The following MAP3K2 variants were observed in gnomAD, a reference collection of about 807,000 sequenced individuals.
The protein encoded by MAP3K2 is MAP/ERK kinase kinase 2.
MAP3K2 carries 24 observed loss-of-function variants against 80.3 expected under a neutral mutation model. The observed-to-expected ratio is 0.30, with a 90% CI of 0.22 to 0.42. The LOEUF (loss-of-function observed/expected upper bound fraction) is 0.42. Among genes scored for constraint, MAP3K2 ranks in the 10% least tolerant of loss-of-function variants. The pLI is 1.00. For missense variants in MAP3K2, 608 were observed against 750.1 expected, an observed-to-expected ratio of 0.81 and a Z score of 2.21; for synonymous variants, 244 against 253.7, an observed-to-expected ratio of 0.96 and a Z score of 0.36.
At chr2:127,312,310 G>A (rs1478336158) in intron 15 of MAP3K2, among the ~76,000 whole-genome samples, 1 of 152,138 alleles carries the variant, frequency 6.6e-6, no homozygotes, top group East Asian at 1.9e-4. Context: ...TTGAAATAAT[G>A]AGTTGGTTCC....
chr2:127,316,801 A>T (rs969698791), intron 14 of MAP3K2: 3 of 152,190 alleles, frequency 2.0e-5, no homozygotes, highest in African/African-American at 7.2e-5. Flanking sequence ...CTGAATGTGA[A>T]TCTAATTTAG....
At chr2:127,369,043 G>C (rs1248535966) in intron 1 of MAP3K2, among the ~76,000 whole-genome samples, 1 of 151,898 alleles carries the variant, frequency 6.6e-6, no homozygotes, top group Admixed American at 6.6e-5. Context: ...CGACTCCCTG[G>C]TTCATGCGAT....
At chr2:127,385,890 G>A (rs1011311269) in intron 1 of MAP3K2, among the ~76,000 whole-genome samples, 3 of 152,136 alleles carry the variant, frequency 2.0e-5, no homozygotes, top group African/African-American at 4.8e-5. Context: ...AGTCTCTAAT[G>A]CAATCCAATT....
chr2:127,318,306 G>A lies in MAP3K2; in HGVS notation c.1057C>T (p.Pro353Ser). 2 of 1,589,586 alleles carry A rather than the reference G, an allele frequency of 1.3e-6. No homozygotes were observed. The highest frequency in any genetic ancestry group is 1.7e-6 in the Non-Finnish European group (2 of 1,171,288). Reference protein sequence around the residue: ...ISPPSRSPRAPTNWRLGKLLG... With the variant: ...ISPPSRSPRASTNWRLGKLLG... ...AGTTTGCCCAATCTCCAGTTGGTCGGAGCTCGAGGTGCTGAAAAAGAACAC... is the reference window on the plus strand; with the variant it reads ...AGTTTGCCCAATCTCCAGTTGGTCGAAGCTCGAGGTGCTGAAAAAGAACAC... Residue 353 changes from proline (P) to serine (S), a missense_variant, in exon 13 of 17, where the codon CCG becomes TCG. Pro to Ser is a moderately conservative substitution (Grantham distance 74, BLOSUM62 -1). Transcript: ENST00000682094.
At chr2:127,352,345 A>G (rs1169243266) in intron 1 of MAP3K2, among the ~76,000 whole-genome samples, 1 of 152,088 alleles carries the variant, frequency 6.6e-6, no homozygotes, top group Non-Finnish European at 1.5e-5. Context: ...ATAAATATCC[A>G]TTACAGCTTC....
chr2:127,387,504 C>G lies in MAP3K2; in HGVS notation c.-118G>C. The G allele has an allele frequency of 1.0e-6, 1 of 984,998 alleles. No individual in the cohort carries two copies. Among genetic ancestry groups the G allele is most frequent in the South Asian group, 4.7e-5 (1 of 21,286 alleles). 61.0% of individuals were successfully genotyped at this position (984,998 alleles called of 1,614,324 possible). ...CGCAGGCCCAAGGAGGGGCCGCCCC[C>G]GCCGAGCCCGCCCCTCCGCCCCAGC... On this transcript the variant is annotated 5_prime_UTR_variant, in exon 1 of 17. Transcript: ENST00000682094.
rs1685539402 is a variant in MAP3K2 at position 127,299,045 on chromosome 2, T to A, written c.*8534A>T. ...ACATTTTTACAAGCACAATTTTGAA[T>A]GACAAACAAAATCAAAATGTGCATG... On this transcript the variant is annotated 3_prime_UTR_variant, in exon 17 of 17. Coordinates refer to ENST00000682094, the MANE Select transcript of MAP3K2 (RefSeq NM_001371910.2). The A allele has an allele frequency of 6.6e-6, 1 of 152,182 alleles. No individual in the cohort carries two copies. The highest frequency in any genetic ancestry group is 2.4e-5 in the African/African-American group (1 of 41,456). 9.4% of individuals were successfully genotyped at this position (152,182 alleles called of 1,614,324 possible). A position where few individuals can be genotyped will look rare whatever the true frequency, so the allele number is the denominator to read the frequency against.
intron 1 of MAP3K2, among the ~76,000 whole-genome samples, chr2:127,384,939 G>A (rs767287707): frequency 1.4e-4 from 22 of 152,170 alleles, no homozygotes; most frequent in Non-Finnish European, 3.2e-4. Context: ...CGCCTGGACA[G>A]AAAGTGGCTT....
chr2:127,315,675 C>T (rs561424040), intron 14 of MAP3K2, among the ~76,000 whole-genome samples: 108 of 152,346 alleles, frequency 7.1e-4, no homozygotes, highest in Non-Finnish European at 1.3e-3. Flanking sequence ...TGGCTCACAC[C>T]TGTAATCCCA....
At chr2:127,363,731 CTCACTCTG>C (rs1686927142) in intron 1 of MAP3K2, among the ~76,000 whole-genome samples, 1 of 152,166 alleles carries the variant, frequency 6.6e-6, no homozygotes, top group South Asian at 2.1e-4. Context: ...GAGATAGAGT[CTCACTCTG>C]TCACCTAGCC....
At chr2:127,369,724 C>T (rs72848607) in intron 1 of MAP3K2, among the ~76,000 whole-genome samples, 5,166 of 152,234 alleles carry the variant, frequency 0.034, 125 homozygotes, top group Middle Eastern at 0.071. Context: ...TTTCCCCATC[C>T]TGTTTATATC....
intron 1 of MAP3K2, among the ~76,000 whole-genome samples, chr2:127,366,439 G>A (rs1394112131): frequency 1.3e-5 from 2 of 150,750 alleles, no homozygotes; most frequent in African/African-American, 4.9e-5. Context: ...CAGAGGATAC[G>A]TGTATGCTTT....
chr2:127,335,096 C>T (rs574025946), intron 5 of MAP3K2, among the ~76,000 whole-genome samples: 36 of 152,166 alleles, frequency 2.4e-4, no homozygotes, highest in African/African-American at 7.5e-4. Context: ...CAAAGAACTT[C>T]GTATATTCAA....
chr2:127,343,235 C>G (rs1411513785), intron 1 of MAP3K2, 41 bp from the exon 2 acceptor site: 2 of 751,192 alleles, frequency 2.7e-6, no homozygotes, highest in Admixed American at 3.1e-5. Flanking sequence ...TAAAAAGAAA[C>G]AGAAAAGGAG....
chr2:127,337,262 A>G (rs1267054434), intron 4 of MAP3K2, among the ~76,000 whole-genome samples: 1 of 152,280 alleles, frequency 6.6e-6, no homozygotes, highest in East Asian at 1.9e-4. Context: ...CTAGGTTTAC[A>G]TCTCTGCTAA....
intron 1 of MAP3K2, among the ~76,000 whole-genome samples, chr2:127,344,495 A>C (rs1266649675): frequency 6.6e-6 from 1 of 151,556 alleles, no homozygotes; most frequent in Non-Finnish European, 1.5e-5. Context: ...CACCAAAAAA[A>C]AAAAAAAAAA....
Position 127,335,972 on chromosome 2 carries a change from A to G in MAP3K2, c.165-3T>C. On this transcript the variant is annotated splice_polypyrimidine_tract_variant and splice_region_variant and intron_variant, in intron 4 of 16. Transcript: ENST00000682094. ...CTGGTCTGGGGAACTGAAGGATTCTATATAAACACAATTTTAAGATTTTAT... is the reference window on the plus strand; with the variant it reads ...CTGGTCTGGGGAACTGAAGGATTCTGTATAAACACAATTTTAAGATTTTAT... 6.7e-7 allele frequency: 1 copy of G among 1,485,786 alleles called. No individual in the cohort carries two copies. The highest frequency in any genetic ancestry group is 1.4e-5 in the African/African-American group (1 of 71,942). 92.0% of individuals were successfully genotyped at this position (1,485,786 alleles called of 1,614,324 possible). A position where few individuals can be genotyped will look rare whatever the true frequency, so the allele number is the denominator to read the frequency against.
intron 14 of MAP3K2, among the ~76,000 whole-genome samples, chr2:127,316,360 A>C (rs1186266298): frequency 6.6e-6 from 1 of 152,250 alleles, no homozygotes; most frequent in Non-Finnish European, 1.5e-5. Context: ...AACAAGAGCG[A>C]AACTCCATCT....
rs1395251274 is a variant in MAP3K2 at position 127,305,292 on chromosome 2, A to G, written c.*2287T>C. The G allele has an allele frequency of 3.3e-5, 5 of 152,302 alleles. No homozygotes were observed. Among genetic ancestry groups the G allele is most frequent in the Admixed American group, 2.0e-4 (3 of 15,246 alleles). The allele number at this position is 152,302 out of a possible 1,614,324, so 9.4% of individuals were successfully genotyped here. Reference sequence around the variant, plus strand: ...GAAAAGATGCCCTCATTCATAAAAGATAAAGAAATTATAATAGATCCACAC... The same window carrying G: ...GAAAAGATGCCCTCATTCATAAAAGGTAAAGAAATTATAATAGATCCACAC... On this transcript the variant is annotated 3_prime_UTR_variant, in exon 17 of 17. Coordinates refer to ENST00000682094, the MANE Select transcript of MAP3K2 (RefSeq NM_001371910.2).
Sources: allele counts gnomAD v4.1 joint callset (sites outside exome capture counted in the v4.1 genomes callset), GRCh38; gene constraint gnomAD v4.1.1; transcripts MANE v1.5; gene names NCBI Gene and HGNC (gene_info 2026-07-23, HGNC 2026-07-21).